Variants in ROBO1 observed in about 807,000 individuals in gnomAD.
ROBO1 encodes the protein roundabout homolog 1.
A neutral mutation model predicts 195.9 loss-of-function variants in ROBO1; 149 were observed. The ratio of observed to expected loss-of-function variants is 0.76; its 90% CI spans 0.67 to 0.87. The LOEUF is 0.87. ROBO1 is among the 40% of genes least tolerant of loss of function. ROBO1 has a pLI of 0.00. For synonymous variants in ROBO1, 816 were observed against 733.2 expected (o/e 1.11, Z -1.82); for missense variants, 1,933 against 2,068.3 (o/e 0.93, Z 1.27).
chr3:79,580,297 C>T (rs545198243), intron 2 of ROBO1, among the ~76,000 whole-genome samples: 1 of 151,930 alleles, frequency 6.6e-6, no homozygotes, highest in East Asian at 1.9e-4. Flanking sequence ...CGTGGTGAAA[C>T]CCTTTCTCTA....
chr3:79,052,773 T>C (rs1292769800), intron 3 of ROBO1, among the ~76,000 whole-genome samples: 2 of 152,114 alleles, frequency 1.3e-5, no homozygotes, highest in Non-Finnish European at 2.9e-5. Context: ...CTTTCTTTTT[T>C]CCCAAGTGCA....
At chr3:79,718,457 A>G (rs1173536477) in intron 1 of ROBO1, among the ~76,000 whole-genome samples, 2 of 151,968 alleles carry the variant, frequency 1.3e-5, no homozygotes, top group African/African-American at 4.8e-5. Flanking sequence ...ACTATAAACT[A>G]TATTTGAGAA....
intron 3 of ROBO1, among the ~76,000 whole-genome samples, chr3:78,948,466 T>C (rs1314197825): frequency 6.6e-6 from 1 of 151,994 alleles, no homozygotes; most frequent in African/African-American, 2.4e-5. Context: ...ATTCAACAAC[T>C]CTTCATGCTA....
At chr3:79,306,676 C>T (rs2033238262) in intron 2 of ROBO1, among the ~76,000 whole-genome samples, 1 of 152,200 alleles carries the variant, frequency 6.6e-6, no homozygotes, top group African/African-American at 2.4e-5. Flanking sequence ...CATTCAACAA[C>T]ATATTTCATC....
intron 2 of ROBO1, among the ~76,000 whole-genome samples, chr3:79,322,383 G>C (rs1329355471): frequency 6.6e-6 from 1 of 152,140 alleles, no homozygotes; most frequent in Non-Finnish European, 1.5e-5. Context: ...AGCATTATGG[G>C]AGCATAAATG....
Position 78,659,191 on chromosome 3 carries a change from T to C in ROBO1, c.2442+495A>G, listed in dbSNP as rs950833847. Reference sequence around the variant, plus strand: ...ACAGAGACTTTTACCTTTTAATGCCTCAATTATCTAGAAAATCTTACTTGA... The same window carrying C: ...ACAGAGACTTTTACCTTTTAATGCCCCAATTATCTAGAAAATCTTACTTGA... On this transcript the variant is annotated intron_variant, in intron 17 of 30. Coordinates refer to ENST00000464233, the MANE Select transcript of ROBO1 (RefSeq NM_002941.4). 1.9e-4 allele frequency among the ~76,000 whole-genome samples: 29 copies of C among 152,306 alleles called. 1 individual carries two copies. Among genetic ancestry groups the C allele is most frequent in the Non-Finnish European group, 2.1e-4 (14 of 68,020 alleles).
chr3:79,324,533 C>G (rs866924291), intron 2 of ROBO1, among the ~76,000 whole-genome samples: 1 of 151,968 alleles, frequency 6.6e-6, no homozygotes, highest in African/African-American at 2.4e-5. Flanking sequence ...AAATTTGAAA[C>G]CTCAATGACA....
chr3:79,352,674 G>A (rs72898048), intron 2 of ROBO1, among the ~76,000 whole-genome samples: 1,785 of 152,088 alleles, frequency 0.012, 28 homozygotes, highest in African/African-American at 0.041. Context: ...CCACCCAGCC[G>A]CCTTCTTTAA....
chr3:79,295,292 C>G (rs1463205038), intron 2 of ROBO1, among the ~76,000 whole-genome samples: 1 of 152,118 alleles, frequency 6.6e-6, no homozygotes, highest in Non-Finnish European at 1.5e-5. Flanking sequence ...AGTTCATGTC[C>G]TTTACAGGGA....
intron 4 of ROBO1, among the ~76,000 whole-genome samples, chr3:78,909,291 AC>A (rs541113110): frequency 6.6e-6 from 1 of 152,010 alleles, no homozygotes; most frequent in Non-Finnish European, 1.5e-5. Context: ...CAAAATAAAA[AC>A]AAAAATTGCA....
intron 4 of ROBO1, among the ~76,000 whole-genome samples, chr3:78,851,099 C>T (rs1049275100): frequency 6.6e-5 from 10 of 152,122 alleles, no homozygotes; most frequent in African/African-American, 1.4e-4. Context: ...TGAGCCACCA[C>T]GCCCGGTCAC....
At chr3:79,681,588 A>T (rs1190673303) in intron 1 of ROBO1, among the ~76,000 whole-genome samples, 1 of 151,976 alleles carries the variant, frequency 6.6e-6, no homozygotes, top group East Asian at 1.9e-4. Flanking sequence ...TGGTGATATA[A>T]TATATAATCA....
At chr3:79,446,800 C>T (rs867801746) in intron 2 of ROBO1, among the ~76,000 whole-genome samples, 1 of 152,100 alleles carries the variant, frequency 6.6e-6, no homozygotes, top group Non-Finnish European at 1.5e-5. Flanking sequence ...AGCTCTTCTA[C>T]ATTTCAAAAA....
chr3:78,943,148 G>A (rs561291268), intron 3 of ROBO1, among the ~76,000 whole-genome samples: 5 of 151,844 alleles, frequency 3.3e-5, no homozygotes, highest in Middle Eastern at 3.4e-3. Context: ...CCTGGGAGGC[G>A]GAGCTTACAG....
At chr3:78,699,588 T>C (rs974272992) in intron 8 of ROBO1, among the ~76,000 whole-genome samples, 3 of 149,862 alleles carry the variant, frequency 2.0e-5, no homozygotes, top group African/African-American at 7.3e-5. Flanking sequence ...ATAATAATAA[T>C]AATATTAATA....
chr3:79,223,922 C>T (rs527698220), intron 2 of ROBO1, among the ~76,000 whole-genome samples: 17 of 152,242 alleles, frequency 1.1e-4, no homozygotes, highest in African/African-American at 3.9e-4. Context: ...CCAATATATT[C>T]TTGGCAGAAA....
At chr3:79,297,877 A>C (rs80162264) in intron 2 of ROBO1, among the ~76,000 whole-genome samples, 2,690 of 152,186 alleles carry the variant, frequency 0.018, 37 homozygotes, top group Non-Finnish European at 0.028. Flanking sequence ...TGAAATTCAA[A>C]TCTATGTAAT....
intron 26 of ROBO1, among the ~76,000 whole-genome samples, chr3:78,627,010 C>T (rs979441690): frequency 6.6e-6 from 1 of 152,162 alleles, no homozygotes; most frequent in Non-Finnish European, 1.5e-5. Flanking sequence ...AAAATACCCA[C>T]TGTCAATAAT....
intron 2 of ROBO1, among the ~76,000 whole-genome samples, chr3:79,432,175 C>T (rs1276720385): frequency 6.6e-6 from 1 of 152,068 alleles, no homozygotes; most frequent in Non-Finnish European, 1.5e-5. Flanking sequence ...AAAATCTGAA[C>T]TCCTTAATGC....
Sources: allele counts gnomAD v4.1 joint callset (sites outside exome capture counted in the v4.1 genomes callset), GRCh38; gene constraint gnomAD v4.1.1; transcripts MANE v1.5; gene names NCBI Gene and HGNC (gene_info 2026-07-23, HGNC 2026-07-21).